Variants in GFRA1 observed in about 807,000 individuals in gnomAD.
GFRA1 encodes the protein GDNF family receptor alpha 1.
GFRA1 carries 16 observed loss-of-function variants against 51.6 expected under a neutral mutation model. That is an observed-to-expected ratio of 0.31 (90% CI 0.21 to 0.47). The LOEUF is 0.47. GFRA1 is among the 20% of genes least tolerant of loss of function. GFRA1 has a pLI of 1.00. For missense variants in GFRA1, 530 were observed against 594.3 expected (o/e 0.89, Z 1.13); for synonymous variants, 270 against 241.3 (o/e 1.12, Z -1.10).
At chr10:116,131,958 G>A (rs1379463920) in intron 5 of GFRA1, among the ~76,000 whole-genome samples, 1 of 149,058 alleles carries the variant, frequency 6.7e-6, no homozygotes, top group Non-Finnish European at 1.5e-5. Flanking sequence ...TGTAATCCCA[G>A]CACTTTGGGA....
intron 4 of GFRA1, among the ~76,000 whole-genome samples, chr10:116,238,842 A>T (rs186209259): frequency 6.6e-6 from 1 of 152,212 alleles, no homozygotes; most frequent in Non-Finnish European, 1.5e-5. Flanking sequence ...AAAAATCTGT[A>T]ATTTTTGCCC....
rs79911247 is a variant in GFRA1 at position 116,147,714 on chromosome 10, C to T, written c.434-22157G>A. Among the ~76,000 whole-genome samples the T allele has an allele frequency of 6.8e-3, 1,029 of 152,224 alleles. 13 individuals are homozygous for T. The highest frequency in any genetic ancestry group is 0.024 in the African/African-American group (985 of 41,538). The stretch of plus-strand genomic sequence containing the variant: ...TTTCCTTTATGAACCACAGAGCCAT[C>T]TCTGAATGAGAACGGAGGTGAAAGC... On this transcript the variant is annotated intron_variant, in intron 5 of 10. Transcript: ENST00000355422.
At chr10:116,147,041 T>A (rs201557562) in intron 5 of GFRA1, among the ~76,000 whole-genome samples, 6 of 117,790 alleles carry the variant, frequency 5.1e-5, no homozygotes, top group Non-Finnish European at 1.1e-4. Flanking sequence ...TGTGTGTGTG[T>A]GTGAGAGAGA....
At chr10:116,241,007 C>T (rs10787638) in intron 4 of GFRA1, among the ~76,000 whole-genome samples, 55,511 of 152,010 alleles carry the variant, frequency 0.37, 11,667 homozygotes, top group Non-Finnish European at 0.49. Flanking sequence ...TCATCTGCTC[C>T]AGACCTTAAG....
At chr10:116,085,390 G>A in intron 9 of GFRA1, among the ~76,000 whole-genome samples, 1 of 152,200 alleles carries the variant, frequency 6.6e-6, no homozygotes, top group East Asian at 1.9e-4. Context: ...GAACTTTAGA[G>A]CTGCCAAAGA....
chr10:116,118,739 C>A (rs1957528094), intron 6 of GFRA1, among the ~76,000 whole-genome samples: 2 of 152,178 alleles, frequency 1.3e-5, no homozygotes, highest in South Asian at 4.1e-4. Flanking sequence ...ACACAATATG[C>A]AAATGCAAAG....
intron 9 of GFRA1, among the ~76,000 whole-genome samples, chr10:116,072,099 TTCAGATATA>T (rs1294266582): frequency 2.0e-5 from 3 of 152,182 alleles, no homozygotes; most frequent in Admixed American, 6.5e-5. Context: ...AATTTGCCTT[TTCAGATATA>T]TTCAACTTAG....
intron 5 of GFRA1, among the ~76,000 whole-genome samples, chr10:116,136,401 C>T (rs1472686308): frequency 6.6e-6 from 1 of 152,160 alleles, no homozygotes; most frequent in African/African-American, 2.4e-5. Flanking sequence ...AAAGGCTAAA[C>T]ATGTCTTTAA....
At chr10:116,240,795 G>T (rs1052435419) in intron 4 of GFRA1, among the ~76,000 whole-genome samples, 1 of 152,164 alleles carries the variant, frequency 6.6e-6, no homozygotes, top group Non-Finnish European at 1.5e-5. Context: ...ACAAACATCT[G>T]CAGACTGAAA....
chr10:116,151,139 A>G (rs1005920003), intron 5 of GFRA1, among the ~76,000 whole-genome samples: 1 of 151,532 alleles, frequency 6.6e-6, no homozygotes, highest in Non-Finnish European at 1.5e-5. Flanking sequence ...TGGTACTGCT[A>G]CTCTCTGTGG....
intron 9 of GFRA1, among the ~76,000 whole-genome samples, chr10:116,088,166 G>C (rs1343471885): frequency 6.6e-6 from 1 of 152,114 alleles, no homozygotes; most frequent in Non-Finnish European, 1.5e-5. Flanking sequence ...ATGAAGAGGG[G>C]TCTCGAGATA....
chr10:116,191,402 G>A (rs1423998120), intron 5 of GFRA1, among the ~76,000 whole-genome samples: 1 of 152,164 alleles, frequency 6.6e-6, no homozygotes, highest in East Asian at 1.9e-4. Context: ...TAGATTCTGA[G>A]TTTTAAATTC....
chr10:116,169,234 T>A (rs1274719017), intron 5 of GFRA1, among the ~76,000 whole-genome samples: 1 of 152,258 alleles, frequency 6.6e-6, no homozygotes, highest in African/African-American at 2.4e-5. Context: ...TGACTAGAGT[T>A]CACTTTTTGC....
intron 4 of GFRA1, among the ~76,000 whole-genome samples, chr10:116,234,757 G>A (rs1300783881): frequency 6.6e-6 from 1 of 152,172 alleles, no homozygotes; most frequent in Non-Finnish European, 1.5e-5. Context: ...GTGAGCACCT[G>A]ATATGGTTTG....
chr10:116,213,252 G>A (rs1171726647), intron 4 of GFRA1, among the ~76,000 whole-genome samples: 3 of 152,200 alleles, frequency 2.0e-5, no homozygotes, highest in Non-Finnish European at 4.4e-5. Context: ...AACACTGGAT[G>A]TTGCCTGATT....
At chr10:116,238,876 T>A (rs377028859) in intron 4 of GFRA1, among the ~76,000 whole-genome samples, 30 of 152,334 alleles carry the variant, frequency 2.0e-4, no homozygotes, top group African/African-American at 7.2e-4. Flanking sequence ...GCTTATTAGC[T>A]ATAGGATTAG....
intron 5 of GFRA1, among the ~76,000 whole-genome samples, chr10:116,205,926 T>TCACACACA (rs55780139): frequency 0.028 from 3,952 of 142,498 alleles, 79 homozygotes; most frequent in East Asian, 0.068. Context: ...TTTCCTCATA[T>TCACACACA]CACACACACA....
At chr10:116,236,036 C>A (rs1966867514) in intron 4 of GFRA1, among the ~76,000 whole-genome samples, 1 of 152,166 alleles carries the variant, frequency 6.6e-6, no homozygotes. Flanking sequence ...AGCCTTGTCA[C>A]TACCCTCAGC....
chr10:116,267,521 T>C (rs1381997219), intron 4 of GFRA1, among the ~76,000 whole-genome samples: 1 of 152,076 alleles, frequency 6.6e-6, no homozygotes, highest in Non-Finnish European at 1.5e-5. Flanking sequence ...ATTCTGAAAT[T>C]AAAACCCAGT....
Sources: allele counts gnomAD v4.1 joint callset (sites outside exome capture counted in the v4.1 genomes callset), GRCh38; gene constraint gnomAD v4.1.1; transcripts MANE v1.5; gene names NCBI Gene and HGNC (gene_info 2026-07-23, HGNC 2026-07-21).